NOLC1: variants seen among roughly 807,000 people sequenced by gnomAD.
The protein encoded by NOLC1 is nucleolar and coiled-body phosphoprotein 1, also known as 140 kDa nucleolar phosphoprotein.
A neutral mutation model predicts 73.4 loss-of-function variants in NOLC1; 37 were observed. The observed-to-expected ratio is 0.50, with a 90% CI of 0.39 to 0.66. The LOEUF is 0.66. Among genes scored for constraint, NOLC1 ranks in the 30% least tolerant of loss-of-function variants. The pLI is 0.00. For synonymous variants in NOLC1, 327 were observed against 302.6 expected (o/e 1.08, Z -0.84); for missense variants, 921 against 838.9 (o/e 1.10, Z -1.21).
chr10:102,159,084 A>T, intron 5 of NOLC1, 109 bp from the exon 6 acceptor site: 1 of 1,122,844 alleles, frequency 8.9e-7, no homozygotes, highest in Admixed American at 2.4e-5. Flanking sequence ...AAAAAAAAAA[A>T]AAAAAAAAAA....
Position 102,160,770 on chromosome 10 carries a change from C to T in NOLC1, c.1418C>T (p.Ser473Leu), listed in dbSNP as rs776907639. ...PQGSRDSSSD[S>L]DSSSSEEEEE... ...GGTAGTAGGGACAGCAGCTCTGATT[C>T]AGACAGCTCCAGCAGTGAGGAGGAG... Residue 473 changes from serine (S) to leucine (L), a missense_variant, in exon 10 of 13, where the codon TCA (serine) becomes TTA (leucine). By Grantham distance (145) the Ser-to-Leu change is moderately radical. Transcript: ENST00000605788. 1 of 1,614,254 alleles carries T rather than the reference C, an allele frequency of 6.2e-7. No homozygotes were observed. The highest frequency in any genetic ancestry group is 8.5e-7 in the Non-Finnish European group (1 of 1,180,042).
rs1172609446 is a variant in NOLC1, at chr10:102,163,151, T to C, written c.*882T>C. 6.6e-6 allele frequency: 1 copy of C among 152,140 alleles called. No individual in the cohort carries two copies. Among genetic ancestry groups the C allele is most frequent in the African/African-American group, 2.4e-5 (1 of 41,424 alleles). 9.4% of individuals were successfully genotyped at this position (152,140 alleles called of 1,614,324 possible). A position where few individuals can be genotyped will look rare whatever the true frequency, so the allele number is the denominator to read the frequency against. On this transcript the variant is annotated 3_prime_UTR_variant, in exon 13 of 13. Transcript: ENST00000605788. ...AACAAAATGACATGAGTTTGAAAAA[T>C]ACATATCACTTGGTATTGCTGTCTT...
intron 4 of NOLC1, 24 bp downstream of exon 4, chr10:102,157,579 G>C: frequency 6.2e-7 from 1 of 1,608,424 alleles, no homozygotes; most frequent in Non-Finnish European, 8.5e-7. Flanking sequence ...GGAAGAAAAA[G>C]GGGTTTAAGG....
intron 2 of NOLC1, 26 bp downstream of exon 2, chr10:102,157,100 C>G (rs1358263486): frequency 1.2e-6 from 2 of 1,613,918 alleles, no homozygotes; most frequent in Non-Finnish European, 1.7e-6. Flanking sequence ...TCCATTTTGG[C>G]TATTTTCTCC....
chr10:102,153,253 G>T (rs898932660), intron 1 of NOLC1, among the ~76,000 whole-genome samples: 1 of 152,256 alleles, frequency 6.6e-6, no homozygotes, highest in African/African-American at 2.4e-5. Context: ...AAGATGATGT[G>T]TAAGAGTAGC....
intron 1 of NOLC1, 87 bp downstream of exon 1, chr10:102,152,617 T>G: frequency 6.4e-7 from 1 of 1,572,294 alleles, no homozygotes; most frequent in Admixed American, 1.8e-5. Context: ...GGTGGGGAAG[T>G]CTGGGGGTCC....
In NOLC1 at chr10:102,157,423, T is replaced by G; in HGVS notation, c.317-8T>G. On this transcript the variant is annotated splice_region_variant and splice_polypyrimidine_tract_variant and intron_variant, in intron 3 of 12. Transcript: ENST00000605788. ...CTGATTCTTACTGGGACCTGTGTGT[T>G]TGTTCAGCTGTACCTGCCAAGCGAG... is the stretch of plus-strand genomic sequence containing the variant. 1 of 1,613,970 alleles carries G rather than the reference T, an allele frequency of 6.2e-7. No homozygotes were observed. The highest frequency in any genetic ancestry group is 8.5e-7 in the Non-Finnish European group (1 of 1,179,904).
rs762248106 is a variant in NOLC1 at position 102,157,249 on chromosome 10, G to A, written c.237G>A (p.Lys79=). 3 of 1,614,212 alleles carry A rather than the reference G, an allele frequency of 1.9e-6. No homozygotes were observed. Among genetic ancestry groups the A allele is most frequent in the Non-Finnish European group, 2.5e-6 (3 of 1,180,034 alleles). Residue 79 remains lysine, a synonymous_variant, in exon 3 of 13, where the codon AAG becomes AAA. Coordinates refer to ENST00000605788, the MANE Select transcript of NOLC1 (RefSeq NM_004741.5). ...ATGGACCAGTGGCTAAGAAAGCTAA[G>A]AAGAAGGCCTCATCCAGTGACAGTG... ...QANGPVAKKA[K]KKASSSDSED...
In NOLC1 at chr10:102,160,892, G is replaced by A; in HGVS notation, c.1540G>A (p.Ala514Thr). 6.2e-7 allele frequency: 1 copy of A among 1,614,184 alleles called. No individual in the cohort carries two copies. The highest frequency in any genetic ancestry group is 8.5e-7 in the Non-Finnish European group (1 of 1,180,036). The part of the protein sequence containing the change: ...SKPASAKKGK[A>T]ESSNSSSSDD... ...GCCAGCCTCTGCAAAGAAAGGAAAG[G>A]CTGAGAGCAGCAACAGTTCTTCTTC... is the stretch of plus-strand genomic sequence containing the variant. Residue 514 changes from alanine (A) to threonine (T), a missense_variant, in exon 10 of 13, where the codon GCT (alanine) becomes ACT (threonine). Coordinates refer to ENST00000605788, the MANE Select transcript of NOLC1 (RefSeq NM_004741.5).
chr10:102,157,642 G>C, intron 4 of NOLC1, 87 bp downstream of exon 4: 1 of 1,450,452 alleles, frequency 6.9e-7, no homozygotes, highest in South Asian at 1.3e-5. Context: ...ACCAAGGGGT[G>C]ATGGCGGCAA....
At chr10:102,159,858 A>G (rs1275130536) in intron 7 of NOLC1, 38 bp from the exon 8 acceptor site, 1 of 1,483,428 alleles carries the variant, frequency 6.7e-7, no homozygotes, top group African/African-American at 1.4e-5. Flanking sequence ...AAAGTTGTAG[A>G]CATATCCTAA....
rs373288971 is a variant in NOLC1, at chr10:102,157,451, G to C, written c.337G>C (p.Gly113Arg). ...TTCAGCTGTACCTGCCAAGCGAGTC[G>C]GTCTGCCTCCTGGGAAGGCTGCAGC... ...KKAAVPAKRV[G>R]LPPGKAAAKA... The change falls in exon 4 of 13, where the codon GGT (glycine) becomes CGT (arginine). Residue 113 changes from glycine to arginine, a missense_variant. Transcript: ENST00000605788. 7 of 1,614,114 alleles carry C rather than the reference G, an allele frequency of 4.3e-6. No homozygotes were observed. In the South Asian group the frequency reaches 5.5e-5, roughly 13 times the overall value.
chr10:102,161,789 A>G (rs1031256894), intron 11 of NOLC1, 44 bp from the exon 12 acceptor site: 1 of 1,587,216 alleles, frequency 6.3e-7, no homozygotes, highest in Non-Finnish European at 8.7e-7. Flanking sequence ...GAGAACTGTT[A>G]CATGACCACT....
chr10:102,159,942 GTC>G lies in NOLC1; in HGVS notation c.910_911del (p.Leu304GlyfsTer19), dbSNP rs777752319. 2 of 1,609,764 alleles carry G rather than the reference GTC, an allele frequency of 1.2e-6. No individual in the cohort carries two copies. Among genetic ancestry groups the G allele is most frequent in the African/African-American group, 2.7e-5 (2 of 74,776 alleles). ...CGCCTTCTGCTCCCCCACCAAAGAA[GTC>G]TCTGGGAACCCAGCCTCCCAAGAAG... The part of the protein sequence containing the change: ...PPPSAPPPKK[S>X]LGTQPPKKAV... On this transcript the variant is annotated frameshift_variant, in exon 8 of 13. Transcript: ENST00000605788. LOFTEE classifies it high-confidence loss of function.
Position 102,161,038 on chromosome 10 carries a change from C to T in NOLC1, c.1686C>T (p.Asn562=), listed in dbSNP as rs1256601237. The change falls in exon 10 of 13, where the codon AAC becomes AAT. Residue 562 remains asparagine, a synonymous_variant. Transcript: ENST00000605788. ...CCCAGAATGGAAAAGCAGCTAAGAA[C>T]AGTGAGGAGGAGGAAGAAGAAAAGA... ...LTAQNGKAAK[N]SEEEEEEKKK... 4 of 1,613,406 alleles carry T rather than the reference C, an allele frequency of 2.5e-6. No homozygotes were observed. The highest frequency in any genetic ancestry group is 3.4e-6 in the Non-Finnish European group (4 of 1,179,920).
In NOLC1 at chr10:102,157,940, CT is replaced by C; in HGVS notation, c.442-105del. 5 of 1,003,806 alleles carry C rather than the reference CT, an allele frequency of 5.0e-6. No homozygotes were observed. In the South Asian group the frequency reaches 8.4e-5, roughly 17 times the overall value. 62.2% of individuals were successfully genotyped at this position (1,003,806 alleles called of 1,614,324 possible). A position where few individuals can be genotyped will look rare whatever the true frequency, so the allele number is the denominator to read the frequency against. On this transcript the variant is annotated intron_variant, in intron 4 of 12. Coordinates refer to ENST00000605788, the MANE Select transcript of NOLC1 (RefSeq NM_004741.5). ...CTTTCCGTATCCTGTCCTTAGCTTT[CT>C]TTTGCTCTTACTGCTCCATTAGGCC...
rs180873611 is a variant in NOLC1 at position 102,156,234 on chromosome 10, T to G, written c.121-785T>G. On this transcript the variant is annotated intron_variant, in intron 1 of 12. Coordinates refer to ENST00000605788, the MANE Select transcript of NOLC1 (RefSeq NM_004741.5). ...TGTACCCTCAAGTAATGGATAAGAT[T>G]ACATTCTTAGATAGTACATTGCTAG... Among the ~76,000 whole-genome samples the G allele has an allele frequency of 2.0e-5, 3 of 152,330 alleles. No homozygotes were observed. The East Asian group carries it at 5.8e-4, about 29-fold the overall frequency.
Position 102,160,630 on chromosome 10 carries a change from T to G in NOLC1, c.1278T>G (p.Ser426Arg), listed in dbSNP as rs1057961. The G allele has an allele frequency of 6.2e-7, 1 of 1,613,906 alleles. No individual in the cohort carries two copies. Among genetic ancestry groups the G allele is most frequent in the Non-Finnish European group, 8.5e-7 (1 of 1,179,942 alleles). ...LLTRKADSSS[S>R]EEESSSSEEE... is the part of the protein sequence containing the mutation. ...CGAGAAAGGCTGACAGCAGCTCCAG[T>G]GAGGAAGAGAGCAGCTCCAGTGAGG... is the stretch of plus-strand genomic sequence containing the variant. Residue 426 changes from serine to arginine, a missense_variant, in exon 10 of 13, where the codon AGT becomes AGG. Ser to Arg is a moderately radical substitution (Grantham distance 110). Transcript: ENST00000605788.
chr10:102,161,142 G>A (rs1318605388), intron 10 of NOLC1, 49 bp downstream of exon 10: 3 of 1,538,124 alleles, frequency 2.0e-6, no homozygotes, highest in East Asian at 4.5e-5. Flanking sequence ...CCCAAATCAG[G>A]ATGGGATATA....
Sources: allele counts gnomAD v4.1 joint callset (sites outside exome capture counted in the v4.1 genomes callset), GRCh38; gene constraint gnomAD v4.1.1; transcripts MANE v1.5; gene names NCBI Gene and HGNC (gene_info 2026-07-23, HGNC 2026-07-21).